Variants in PRKG1 observed in about 807,000 individuals in gnomAD.
The protein encoded by PRKG1 is protein kinase cGMP-dependent 1, also known as cGMP-dependent protein kinase 1.
PRKG1 carries 35 observed loss-of-function variants against 88.1 expected under a neutral mutation model. That is an observed-to-expected ratio of 0.40 (90% CI 0.30 to 0.53). The LOEUF is 0.53. Ranked by LOEUF, PRKG1 falls within the 20% of genes least tolerant of loss-of-function variation. The pLI is 0.59. For synonymous variants in PRKG1, 303 were observed against 292.5 expected, an observed-to-expected ratio of 1.04 and a Z score of -0.37; for missense variants, 540 against 839.8, an observed-to-expected ratio of 0.64 and a Z score of 4.41.
intron 1 of PRKG1, among the ~76,000 whole-genome samples, chr10:51,094,692 A>G (rs1271903321): frequency 6.6e-6 from 1 of 152,148 alleles, no homozygotes; most frequent in Non-Finnish European, 1.5e-5. Context: ...TTACTGAAAT[A>G]GGAAACACAA....
At chr10:52,066,784 T>C (rs1168325539) in intron 7 of PRKG1, among the ~76,000 whole-genome samples, 2 of 152,232 alleles carry the variant, frequency 1.3e-5, no homozygotes, top group Non-Finnish European at 2.9e-5. Flanking sequence ...TGTAATCTGA[T>C]TTTTTAAAAA....
intron 2 of PRKG1, among the ~76,000 whole-genome samples, chr10:51,373,814 T>G (rs1345978588): frequency 1.3e-5 from 2 of 151,978 alleles, no homozygotes. Context: ...CTTTCTTTTT[T>G]TTCTTTATCC....
intron 5 of PRKG1, among the ~76,000 whole-genome samples, chr10:51,913,464 G>C (rs1842269426): frequency 6.6e-6 from 1 of 152,140 alleles, no homozygotes; most frequent in South Asian, 2.1e-4. Flanking sequence ...AGAACATGTA[G>C]TAATTTAATG....
intron 9 of PRKG1, among the ~76,000 whole-genome samples, chr10:52,194,597 G>A (rs1199771784): frequency 3.9e-5 from 6 of 152,154 alleles, no homozygotes; most frequent in Admixed American, 3.3e-4. Flanking sequence ...TTCCGTTTAT[G>A]TGGCCTTTGT....
chr10:51,406,825 A>G (rs1286312963), intron 2 of PRKG1, among the ~76,000 whole-genome samples: 1 of 152,166 alleles, frequency 6.6e-6, no homozygotes, highest in African/African-American at 2.4e-5. Flanking sequence ...GAAAGAACTA[A>G]TAGGAAATAT....
intron 9 of PRKG1, among the ~76,000 whole-genome samples, chr10:52,185,412 C>T (rs960876476): frequency 6.6e-6 from 1 of 152,170 alleles, no homozygotes; most frequent in Non-Finnish European, 1.5e-5. Flanking sequence ...TAGCTCCACC[C>T]CTGTGGCTTT....
intron 3 of PRKG1, among the ~76,000 whole-genome samples, chr10:51,512,718 G>A (rs1421143549): frequency 3.4e-5 from 2 of 59,356 alleles, no homozygotes; most frequent in Admixed American, 2.2e-4. Flanking sequence ...CCAGTAATGG[G>A]ATGGCTGGGT....
chr10:51,687,491 T>G (rs1256380562), intron 3 of PRKG1, among the ~76,000 whole-genome samples: 2 of 152,222 alleles, frequency 1.3e-5, no homozygotes, highest in Non-Finnish European at 2.9e-5. Flanking sequence ...ATCTTGTTTC[T>G]AGTCTAGATA....
chr10:51,334,158 C>T (rs10996928), intron 2 of PRKG1, among the ~76,000 whole-genome samples: 1 of 34,808 alleles, frequency 2.9e-5, no homozygotes, highest in Non-Finnish European at 8.4e-5. Flanking sequence ...CTCTTTCTCT[C>T]TCTCTCTCTC....
In PRKG1 at chr10:51,943,379, T is replaced by C. The variant is rs1842952662; in HGVS notation, c.762+35809T>C. Among the ~76,000 whole-genome samples, 2 of 151,992 alleles carry C rather than the reference T, an allele frequency of 1.3e-5. 1 individual carries two copies. The highest frequency in any genetic ancestry group is 4.8e-5 in the African/African-American group (2 of 41,262). On this transcript the variant is annotated intron_variant, in intron 5 of 17. Transcript: ENST00000373980. Reference sequence around the variant, plus strand: ...CTGAGATGATGGGGTTTTCTAGATATACAATCATGTCATCTGCAAACAGGG... The same window carrying C: ...CTGAGATGATGGGGTTTTCTAGATACACAATCATGTCATCTGCAAACAGGG...
chr10:51,128,353 A>G (rs568952360), intron 1 of PRKG1, among the ~76,000 whole-genome samples: 20 of 152,312 alleles, frequency 1.3e-4, no homozygotes, highest in Non-Finnish European at 1.9e-4. Flanking sequence ...TTCAAAAGCT[A>G]TTCTAATGTT....
At chr10:51,366,603 A>G (rs1842595207) in intron 2 of PRKG1, among the ~76,000 whole-genome samples, 1 of 151,918 alleles carries the variant, frequency 6.6e-6, no homozygotes, top group Non-Finnish European at 1.5e-5. Context: ...TTAACATGGC[A>G]ATCTGTTTAA....
At chr10:52,256,270 C>G (rs888078573) in intron 10 of PRKG1, among the ~76,000 whole-genome samples, 5 of 139,344 alleles carry the variant, frequency 3.6e-5, no homozygotes, top group African/African-American at 1.2e-4. Flanking sequence ...TAGTAATTGT[C>G]TGCTGTGTGC....
intron 3 of PRKG1, among the ~76,000 whole-genome samples, chr10:51,743,188 A>G (rs762005578): frequency 3.9e-5 from 6 of 152,166 alleles, no homozygotes; most frequent in Non-Finnish European, 8.8e-5. Flanking sequence ...CCTATTTGAA[A>G]GGAATTTAAG....
chr10:51,767,789 A>G (rs2132539214), intron 3 of PRKG1, among the ~76,000 whole-genome samples: 1 of 152,294 alleles, frequency 6.6e-6, no homozygotes, highest in Non-Finnish European at 1.5e-5. Context: ...TAAGAAACTG[A>G]TAGCTATAGT....
chr10:51,740,100 T>C (rs1016943836), intron 3 of PRKG1, among the ~76,000 whole-genome samples: 1 of 152,170 alleles, frequency 6.6e-6, no homozygotes, highest in Admixed American at 6.6e-5. Context: ...TGACCTTGGC[T>C]CACTGCAGCC....
At chr10:51,816,055 T>A (rs1839576031) in intron 4 of PRKG1, among the ~76,000 whole-genome samples, 1 of 152,212 alleles carries the variant, frequency 6.6e-6, no homozygotes, top group Admixed American at 6.5e-5. Flanking sequence ...TCTCACTTAA[T>A]TTTGACAGCT....
chr10:51,921,822 T>C (rs1842469268), intron 5 of PRKG1, among the ~76,000 whole-genome samples: 3 of 152,040 alleles, frequency 2.0e-5, no homozygotes, highest in African/African-American at 7.2e-5. Context: ...GATAATACTC[T>C]GATGAAGATT....
At chr10:52,001,364 TA>T (rs199990338) in intron 5 of PRKG1, among the ~76,000 whole-genome samples, 60,518 of 145,556 alleles carry the variant, frequency 0.42, 12,227 homozygotes, top group Admixed American at 0.45. Context: ...GTTCTCACCA[TA>T]AAAAAAAAAA....
Sources: gnomAD v4.1 joint callset for allele counts (sites outside exome capture counted in the v4.1 genomes callset) on GRCh38, gnomAD v4.1.1 for gene constraint, MANE v1.5 for transcripts, NCBI Gene and HGNC (gene_info 2026-07-23, HGNC 2026-07-21) for gene names.